CCSER1: variants seen among roughly 807,000 people sequenced by gnomAD.
CCSER1 encodes coiled-coil serine rich protein 1.
In CCSER1, 41 loss-of-function variants were observed where a neutral mutation model predicts 82.0. That is an observed-to-expected ratio of 0.50 (90% confidence interval 0.39 to 0.65). The LOEUF (loss-of-function observed/expected upper bound fraction) is 0.65, where lower values mean the gene tolerates loss of function less well. CCSER1 is among the 30% of genes least tolerant of loss of function. CCSER1 has a pLI of 0.00. For missense variants in CCSER1, 1,119 were observed against 1,064.2 expected, an observed-to-expected ratio of 1.05 and a Z score of -0.72; for synonymous variants, 414 against 383.9, an observed-to-expected ratio of 1.08 and a Z score of -0.92.
intron 8 of CCSER1, among the ~76,000 whole-genome samples, chr4:90,902,923 A>G (rs908282293): frequency 6.6e-6 from 1 of 151,954 alleles, no homozygotes; most frequent in Non-Finnish European, 1.5e-5. Flanking sequence ...TCCTTGTCCT[A>G]AGCAGGCAGG....
At chr4:91,114,448 A>T (rs916973594) in intron 10 of CCSER1, among the ~76,000 whole-genome samples, 1 of 152,178 alleles carries the variant, frequency 6.6e-6, no homozygotes, top group Non-Finnish European at 1.5e-5. Context: ...CTCAGTCAAG[A>T]TGTCATCGTA....
At chr4:91,311,881 A>G (rs939769943) in intron 10 of CCSER1, among the ~76,000 whole-genome samples, 1 of 152,072 alleles carries the variant, frequency 6.6e-6, no homozygotes, top group South Asian at 2.1e-4. Flanking sequence ...TAATGAAAGC[A>G]TGGGTTGTTA....
chr4:90,653,676 A>T (rs1729193958), intron 6 of CCSER1, among the ~76,000 whole-genome samples: 1 of 152,110 alleles, frequency 6.6e-6, no homozygotes, highest in Non-Finnish European at 1.5e-5. Context: ...AACTTGAGGC[A>T]CCTTGATGCT....
intron 3 of CCSER1, among the ~76,000 whole-genome samples, chr4:90,348,790 C>T (rs558293790): frequency 6.6e-6 from 1 of 151,964 alleles, no homozygotes; most frequent in South Asian, 2.1e-4. Flanking sequence ...TCTTTTTTCC[C>T]ACAAACTATT....
chr4:91,362,182 G>A (rs1265302928), intron 10 of CCSER1, among the ~76,000 whole-genome samples: 3 of 151,826 alleles, frequency 2.0e-5, no homozygotes, highest in African/African-American at 7.2e-5. Flanking sequence ...CCCAGAAAAC[G>A]ATCTTGAGAT....
chr4:91,211,286 T>G (rs1736802828), intron 10 of CCSER1, among the ~76,000 whole-genome samples: 1 of 152,004 alleles, frequency 6.6e-6, no homozygotes, highest in Non-Finnish European at 1.5e-5. Flanking sequence ...TGGATTTGAG[T>G]TATATTTTGA....
intron 4 of CCSER1, among the ~76,000 whole-genome samples, chr4:90,461,702 T>C (rs943897445): frequency 6.6e-6 from 1 of 152,200 alleles, no homozygotes; most frequent in Non-Finnish European, 1.5e-5. Flanking sequence ...TTCTTCAGTC[T>C]CTCATTCATT....
intron 6 of CCSER1, among the ~76,000 whole-genome samples, chr4:90,692,822 C>T (rs1194224998): frequency 6.6e-6 from 1 of 151,798 alleles, no homozygotes; most frequent in Non-Finnish European, 1.5e-5. Flanking sequence ...AAAAGAGTAT[C>T]AAATTAAACT....
intron 1 of CCSER1, among the ~76,000 whole-genome samples, chr4:90,304,528 C>T (rs1024398235): frequency 6.6e-6 from 1 of 152,136 alleles, no homozygotes; most frequent in African/African-American, 2.4e-5. Flanking sequence ...AATCATCATT[C>T]TCAGTAAACT....
chr4:90,271,075 C>T (rs1025031181), intron 1 of CCSER1, among the ~76,000 whole-genome samples: 4 of 152,020 alleles, frequency 2.6e-5, no homozygotes. Context: ...CCACATCAAT[C>T]TACAGATTTA....
At chr4:91,553,044 A>G (rs1044912929) in intron 10 of CCSER1, among the ~76,000 whole-genome samples, 2 of 151,458 alleles carry the variant, frequency 1.3e-5, no homozygotes, top group Non-Finnish European at 3.0e-5. Flanking sequence ...GCCTAGTAAG[A>G]GGCCTTTATT....
intron 10 of CCSER1, among the ~76,000 whole-genome samples, chr4:91,253,172 A>G (rs1200797662): frequency 6.6e-6 from 1 of 152,192 alleles, no homozygotes; most frequent in Non-Finnish European, 1.5e-5. Flanking sequence ...AGCCTACTCA[A>G]AAGTGAAGAC....
chr4:90,959,195 A>G (rs137883140), intron 9 of CCSER1, among the ~76,000 whole-genome samples: 16 of 152,328 alleles, frequency 1.1e-4, no homozygotes, highest in Non-Finnish European at 1.6e-4. Flanking sequence ...CAGCCTCATT[A>G]AAAGGAAGTC....
intron 1 of CCSER1, among the ~76,000 whole-genome samples, chr4:90,286,634 G>A (rs1303162942): frequency 6.6e-6 from 1 of 152,038 alleles, no homozygotes; most frequent in East Asian, 1.9e-4. Context: ...CTGAACATTT[G>A]TAACAGATAC....
At chr4:91,164,603 A>G (rs1731827032) in intron 10 of CCSER1, among the ~76,000 whole-genome samples, 1 of 152,166 alleles carries the variant, frequency 6.6e-6, no homozygotes, top group Non-Finnish European at 1.5e-5. Context: ...ACATAGTCCC[A>G]TATTTCTTGT....
intron 8 of CCSER1, among the ~76,000 whole-genome samples, chr4:90,833,800 C>T (rs1761440232): frequency 6.6e-6 from 1 of 152,130 alleles, no homozygotes; most frequent in Admixed American, 6.5e-5. Context: ...TTGTTGGGAG[C>T]TGAGGCCTAC....
intron 10 of CCSER1, among the ~76,000 whole-genome samples, chr4:91,360,430 A>C (rs567474354): frequency 3.3e-5 from 5 of 152,024 alleles, no homozygotes; most frequent in Admixed American, 2.6e-4. Flanking sequence ...ATGTCAAAAA[A>C]AAATTGGGGT....
At chr4:90,237,876 A>G (rs1257764444) in intron 1 of CCSER1, among the ~76,000 whole-genome samples, 2 of 152,146 alleles carry the variant, frequency 1.3e-5, no homozygotes, top group African/African-American at 4.8e-5. Context: ...AAACACCAAC[A>G]TTTCTCCCTG....
intron 10 of CCSER1, among the ~76,000 whole-genome samples, chr4:91,403,048 G>C (rs1010581363): frequency 6.6e-6 from 1 of 152,104 alleles, no homozygotes; most frequent in Non-Finnish European, 1.5e-5. Flanking sequence ...TCTTCCATTT[G>C]TTTGTGTCTT....
Sources: allele counts gnomAD v4.1 joint callset (sites outside exome capture counted in the v4.1 genomes callset), GRCh38; gene constraint gnomAD v4.1.1; transcripts MANE v1.5; gene names NCBI Gene and HGNC (gene_info 2026-07-23, HGNC 2026-07-21).